PHLPP1: variants seen among roughly 807,000 people sequenced by gnomAD.
The protein encoded by PHLPP1 is PH domain and leucine rich repeat protein phosphatase 1.
A neutral mutation model predicts 117.2 loss-of-function variants in PHLPP1; 42 were observed. That is an observed-to-expected ratio of 0.36 (90% CI 0.28 to 0.46). The LOEUF (loss-of-function observed/expected upper bound fraction) is 0.46, where lower values mean the gene tolerates loss of function less well. Ranked by LOEUF, PHLPP1 falls within the 20% of genes least tolerant of loss-of-function variation. The probability of loss-of-function intolerance (pLI) is 1.00; values close to 1 mark genes in which losing one functional copy is unlikely to be tolerated. For missense variants in PHLPP1, 2,084 were observed against 2,241.9 expected, an observed-to-expected ratio of 0.93 and a Z score of 1.42; for synonymous variants, 1,042 against 970.7, an observed-to-expected ratio of 1.07 and a Z score of -1.37.
At chr18:62,834,218 C>T (rs571838354) in intron 2 of PHLPP1, among the ~76,000 whole-genome samples, 6 of 151,958 alleles carry the variant, frequency 3.9e-5, no homozygotes, top group Non-Finnish European at 7.4e-5. Flanking sequence ...ATTGGAGCAT[C>T]ATTCATGGGC....
intron 3 of PHLPP1, among the ~76,000 whole-genome samples, chr18:62,849,832 A>AATATATATAT (rs1555677082): frequency 0.019 from 625 of 33,060 alleles, 54 homozygotes; most frequent in Middle Eastern, 0.036. Context: ...AAAAAAAAAA[A>AATATATATAT]ATATATATAT....
intron 2 of PHLPP1, chr18:62,837,610 A>G (rs529123139): frequency 1.5e-4 from 23 of 150,204 alleles, no homozygotes; most frequent in African/African-American, 5.6e-4. Flanking sequence ...GCTAGTTTTT[A>G]TCATAGCCTT....
At chr18:62,829,954 C>T in intron 1 of PHLPP1, 81 bp from the exon 2 acceptor site, 17 of 900,382 alleles carry the variant, frequency 1.9e-5, no homozygotes, top group Middle Eastern at 2.8e-4. Context: ...CCTTGTTGTC[C>T]AATTCATATA....
chr18:62,890,968 A>G (rs1916391935), intron 4 of PHLPP1, among the ~76,000 whole-genome samples: 1 of 152,192 alleles, frequency 6.6e-6, no homozygotes, highest in South Asian at 2.1e-4. Flanking sequence ...CAGCAGTTTC[A>G]TCTGTGATGC....
chr18:62,956,477 GA>G (rs1910614024), intron 12 of PHLPP1, among the ~76,000 whole-genome samples: 1 of 152,106 alleles, frequency 6.6e-6, no homozygotes, highest in Non-Finnish European at 1.5e-5. Flanking sequence ...TTTGTTGGGG[GA>G]CAAACATTCA....
At chr18:62,936,324 A>G (rs1917242920) in intron 10 of PHLPP1, among the ~76,000 whole-genome samples, 1 of 152,238 alleles carries the variant, frequency 6.6e-6, no homozygotes, top group Admixed American at 6.5e-5. Context: ...AGGTAAATAA[A>G]TTGGGAGAGC....
intron 1 of PHLPP1, among the ~76,000 whole-genome samples, chr18:62,747,401 C>T (rs1327765892): frequency 2.6e-5 from 4 of 151,722 alleles, no homozygotes; most frequent in Non-Finnish European, 5.9e-5. Flanking sequence ...TCTCAGCCTC[C>T]CAAAATGCTG....
chr18:62,735,672 A>G (rs1911351163), intron 1 of PHLPP1, among the ~76,000 whole-genome samples: 1 of 152,206 alleles, frequency 6.6e-6, no homozygotes, highest in Non-Finnish European at 1.5e-5. Context: ...CAACCTCCAG[A>G]TAATCCTGAT....
chr18:62,728,873 T>C (rs1911151611), intron 1 of PHLPP1, among the ~76,000 whole-genome samples: 1 of 152,098 alleles, frequency 6.6e-6, no homozygotes, highest in East Asian at 1.9e-4. Flanking sequence ...ACTCTGCCAG[T>C]GGTGCCTTGA....
chr18:62,816,643 T>C (rs1914284041), intron 1 of PHLPP1, among the ~76,000 whole-genome samples: 1 of 152,206 alleles, frequency 6.6e-6, no homozygotes, highest in Admixed American at 6.5e-5. Context: ...TGGGTATTAT[T>C]AGTCTTTTGA....
At position 62,979,540 on chromosome 18, in the gene PHLPP1, C is replaced by G; in HGVS notation, c.*109C>G. The G allele has an allele frequency of 8.2e-7, 1 of 1,223,054 alleles. No individual in the cohort carries two copies. Among genetic ancestry groups the G allele is most frequent in the African/African-American group, 1.5e-5 (1 of 65,402 alleles). The allele number at this position is 1,223,054 out of a possible 1,614,324, so 75.8% of individuals were successfully genotyped here. ...TTACTCCACATCCTTCCCCCAGACA[C>G]TGTTCCCAACCTGTCATCGCAGCTA... is the stretch of plus-strand genomic sequence containing the variant. On this transcript the variant is annotated 3_prime_UTR_variant, in exon 17 of 17. Coordinates refer to ENST00000262719, the MANE Select transcript of PHLPP1 (RefSeq NM_194449.4).
chr18:62,846,351 G>T (rs1915183617), intron 3 of PHLPP1, among the ~76,000 whole-genome samples: 1 of 152,092 alleles, frequency 6.6e-6, no homozygotes, highest in Non-Finnish European at 1.5e-5. Flanking sequence ...TAGTGTATGA[G>T]TTAGTATATG....
At chr18:62,948,947 C>G (rs990900544) in intron 12 of PHLPP1, among the ~76,000 whole-genome samples, 1 of 152,044 alleles carries the variant, frequency 6.6e-6, no homozygotes, top group African/African-American at 2.4e-5. Flanking sequence ...TGAAAGTCTT[C>G]ATTGTAAAGT....
At chr18:62,783,149 T>G in intron 1 of PHLPP1, among the ~76,000 whole-genome samples, 1 of 146,714 alleles carries the variant, frequency 6.8e-6, no homozygotes, top group South Asian at 2.1e-4. Flanking sequence ...TTTCAGAGTT[T>G]TAAAAAAAAA....
chr18:62,726,307 A>G (rs565427211), intron 1 of PHLPP1, among the ~76,000 whole-genome samples: 125 of 150,436 alleles, frequency 8.3e-4, no homozygotes, highest in African/African-American at 2.9e-3. Context: ...TGACTTGTTC[A>G]TATCCCTTGC....
intron 1 of PHLPP1, among the ~76,000 whole-genome samples, chr18:62,743,632 A>T (rs1911595944): frequency 6.6e-6 from 1 of 152,178 alleles, no homozygotes; most frequent in African/African-American, 2.4e-5. Context: ...CAGTGATCAA[A>T]TTTCCATTAA....
intron 14 of PHLPP1, among the ~76,000 whole-genome samples, chr18:62,964,755 C>CT (rs1910858000): frequency 1.3e-5 from 2 of 152,152 alleles, no homozygotes; most frequent in African/African-American, 4.8e-5. Context: ...ATCAAAGGAT[C>CT]TTTTATGTCT....
chr18:62,913,067 A>G (rs149719375), intron 8 of PHLPP1, among the ~76,000 whole-genome samples: 1 of 152,192 alleles, frequency 6.6e-6, no homozygotes. Flanking sequence ...CTCTTAAATG[A>G]TAATTCATCT....
rs113661096 is a variant in PHLPP1, at chr18:62,877,908, G to A, written c.2067-17103G>A. On this transcript the variant is annotated intron_variant, in intron 4 of 16. Coordinates refer to ENST00000262719, the MANE Select transcript of PHLPP1 (RefSeq NM_194449.4). The stretch of plus-strand genomic sequence containing the variant: ...GACGGAGCTCAGAAACAAAATATCA[G>A]CCAGGCTATATTAAATTAGTTTGCC... 9.2e-3 allele frequency among the ~76,000 whole-genome samples: 1,404 copies of A among 152,272 alleles called. 25 individuals are homozygous for A. Among genetic ancestry groups the A allele is most frequent in the African/African-American group, 0.032 (1,342 of 41,540 alleles).
Sources: allele counts gnomAD v4.1 joint callset (sites outside exome capture counted in the v4.1 genomes callset), GRCh38; gene constraint gnomAD v4.1.1; transcripts MANE v1.5; gene names NCBI Gene and HGNC (gene_info 2026-07-23, HGNC 2026-07-21).